Variants in CD109 observed in about 807,000 individuals in gnomAD.
The protein encoded by CD109 is CD109 molecule, also known as CD109 antigen.
In CD109, 149 loss-of-function variants were observed where a neutral mutation model predicts 165.8. The observed-to-expected ratio is 0.90, with a 90% CI of 0.79 to 1.03. CD109 has a LOEUF of 1.03. Among genes scored for constraint, CD109 ranks in the 50% least tolerant of loss-of-function variants. The probability of loss-of-function intolerance (pLI) is 0.00; values close to 1 mark genes in which losing one functional copy is unlikely to be tolerated. For synonymous variants in CD109, 585 were observed against 592.1 expected, an observed-to-expected ratio of 0.99 and a Z score of 0.18; for missense variants, 1,712 against 1,677.8, an observed-to-expected ratio of 1.02 and a Z score of -0.36.
Position 73,763,620 on chromosome 6 carries a change from GA to G in CD109, c.1043del (p.Asp348ValfsTer13), listed in dbSNP as rs1773723377. 5 of 1,596,410 alleles carry G rather than the reference GA, an allele frequency of 3.1e-6. 1 individual carries two copies. The South Asian group carries it at 5.8e-5, about 18-fold the overall frequency. ...VSTNVFFKQH[D>X]YIIEFFDYTT... ...CACTAATGTGTTCTTCAAGCAACATGATTACATCATTGAGTTTTTTGATTAT... is the reference window on the plus strand; with the variant it reads ...CACTAATGTGTTCTTCAAGCAACATGTTACATCATTGAGTTTTTTGATTAT... On this transcript the variant is annotated frameshift_variant, in exon 10 of 33. Coordinates refer to ENST00000287097, the MANE Select transcript of CD109 (RefSeq NM_133493.5). LOFTEE classifies it high-confidence loss of function.
intron 19 of CD109, 35 bp downstream of exon 19, chr6:73,783,859 G>A (rs1562066079): frequency 1.7e-6 from 2 of 1,206,816 alleles, no homozygotes; most frequent in South Asian, 2.6e-5. Flanking sequence ...CAGTATTACG[G>A]TGACATTAAG....
chr6:73,801,660 G>GT (rs1775364402), intron 23 of CD109, among the ~76,000 whole-genome samples: 1 of 152,174 alleles, frequency 6.6e-6, no homozygotes, highest in Admixed American at 6.5e-5. Flanking sequence ...CACATTAACT[G>GT]TAATTTCAAA....
At chr6:73,770,483 G>A (rs571590672) in intron 14 of CD109, among the ~76,000 whole-genome samples, 12 of 152,302 alleles carry the variant, frequency 7.9e-5, no homozygotes, top group African/African-American at 2.6e-4. Flanking sequence ...TGTGGCTCAC[G>A]CCTGTAATCC....
chr6:73,782,752 T>A lies in CD109; in HGVS notation c.2102T>A (p.Met701Lys). 1 of 1,613,536 alleles carries A rather than the reference T, an allele frequency of 6.2e-7. No homozygotes were observed. The highest frequency in any genetic ancestry group is 8.5e-7 in the Non-Finnish European group (1 of 1,179,742). ...ACTTGGATTTGGCTAGACACCAACA[T>A]GGGGTAAAAATTTATAAAGTTCTTT... ...PETWIWLDTN[M>K]GYRIYQEFEV... The change falls in exon 18 of 33, where the codon ATG becomes AAG. Residue 701 changes from methionine to lysine, a missense_variant. By Grantham distance (95) the Met-to-Lys change is moderately conservative (BLOSUM62 -1). Coordinates refer to ENST00000287097, the MANE Select transcript of CD109 (RefSeq NM_133493.5).
chr6:73,765,010 A>AG (rs1450429303), intron 10 of CD109, among the ~76,000 whole-genome samples: 1 of 152,048 alleles, frequency 6.6e-6, no homozygotes, highest in African/African-American at 2.4e-5. Flanking sequence ...GGGCGTTCAG[A>AG]GGGGGAGAGT....
chr6:73,781,835 A>ACACACACACTCACACACACACAC (rs150665697), intron 17 of CD109, among the ~76,000 whole-genome samples: 1 of 144,328 alleles, frequency 6.9e-6, no homozygotes, highest in African/African-American at 2.6e-5. Context: ...ACACACACAC[A>ACACACACACTCACACACACACAC]CCCCTCATCA....
chr6:73,783,753 A>C lies in CD109; in HGVS notation c.2152A>C (p.Thr718Pro). Residue 718 changes from threonine to proline, a missense_variant, in exon 19 of 33, where the codon ACT becomes CCT. Transcript: ENST00000287097. The part of the protein sequence containing the change: ...EFEVTVPDSI[T>P]SWVATGFVIS... ...TGAAGTAACTGTACCTGATTCTATC[A>C]CTTCTTGGGTGGCTACTGGTTTTGT... 1 of 1,613,240 alleles carries C rather than the reference A, an allele frequency of 6.2e-7. No individual in the cohort carries two copies. The highest frequency in any genetic ancestry group is 8.5e-7 in the Non-Finnish European group (1 of 1,179,406).
Position 73,792,677 on chromosome 6 carries a change from C to T in CD109, c.2753C>T (p.Pro918Leu), listed in dbSNP as rs1775014091. ...GGCTTAGCCTCATTGATTCGGATGC[C>T]TTATGGCTGTGGTGAACAGAACATG... ...INGLASLIRM[P>L]YGCGEQNMIN... The change falls in exon 23 of 33, where the codon CCT becomes CTT. Residue 918 changes from proline (P) to leucine (L), a missense_variant. Transcript: ENST00000287097. 1 of 1,613,336 alleles carries T rather than the reference C, an allele frequency of 6.2e-7. No individual in the cohort carries two copies. The highest frequency in any genetic ancestry group is 8.5e-7 in the Non-Finnish European group (1 of 1,179,940).
intron 3 of CD109, among the ~76,000 whole-genome samples, chr6:73,728,046 C>T (rs529082391): frequency 6.6e-6 from 1 of 152,206 alleles, no homozygotes; most frequent in East Asian, 1.9e-4. Context: ...TTAGGCTGGG[C>T]GCAGTGGCTC....
chr6:73,705,755 C>G (rs1771244978), intron 2 of CD109, among the ~76,000 whole-genome samples: 1 of 152,146 alleles, frequency 6.6e-6, no homozygotes, highest in African/African-American at 2.4e-5. Context: ...AGTTAATAAT[C>G]AATTCTCTCA....
Position 73,715,672 on chromosome 6 carries a change from G to A in CD109, c.248-7579G>A, listed in dbSNP as rs562505851. On this transcript the variant is annotated intron_variant, in intron 2 of 32. Coordinates refer to ENST00000287097, the MANE Select transcript of CD109 (RefSeq NM_133493.5). ...CATAGAAGATGTATATATTTACAGG[G>A]TACATGAGATACTTTGAAACAGGCA... is the stretch of plus-strand genomic sequence containing the variant. Among the ~76,000 whole-genome samples, 5 of 151,988 alleles carry A rather than the reference G, an allele frequency of 3.3e-5. No homozygotes were observed. The East Asian group carries it at 9.7e-4, about 29-fold the overall frequency.
chr6:73,815,543 G>A (rs2150306744), intron 30 of CD109, among the ~76,000 whole-genome samples: 1 of 152,200 alleles, frequency 6.6e-6, no homozygotes, highest in South Asian at 2.1e-4. Context: ...ATGATAACAT[G>A]CAAATTCAAT....
chr6:73,687,070 A>C, the CD109 span, among the ~76,000 whole-genome samples: 1 of 152,228 alleles, frequency 6.6e-6, no homozygotes, highest in Non-Finnish European at 1.5e-5. Context: ...TTCCATCATC[A>C]CAGAAAGTTC....
chr6:73,748,416 C>T (rs1773062524), intron 5 of CD109, among the ~76,000 whole-genome samples: 1 of 152,210 alleles, frequency 6.6e-6, no homozygotes, highest in Non-Finnish European at 1.5e-5. Context: ...CTCTGTTTTT[C>T]CCATCTCATC....
At chr6:73,800,992 T>TTTTTA (rs1775342366) in intron 23 of CD109, among the ~76,000 whole-genome samples, 1 of 152,234 alleles carries the variant, frequency 6.6e-6, no homozygotes, top group Non-Finnish European at 1.5e-5. Context: ...TGCATCAATT[T>TTTTTA]TTTTATTTTA....
intron 2 of CD109, among the ~76,000 whole-genome samples, chr6:73,722,761 A>G (rs1772006291): frequency 6.6e-6 from 1 of 152,192 alleles, no homozygotes; most frequent in Admixed American, 6.5e-5. Flanking sequence ...TCCTATGTAT[A>G]GAAACTTTAC....
Position 73,826,501 on chromosome 6 carries a change from G to A in CD109, c.*2868G>A, listed in dbSNP as rs2150318116. ...AAACCTAGTAGCCAAACAATTCTAG[G>A]ACAGAATAACATTTTTATATTTGGT... On this transcript the variant is annotated 3_prime_UTR_variant, in exon 33 of 33. Coordinates refer to ENST00000287097, the MANE Select transcript of CD109 (RefSeq NM_133493.5). 6.6e-6 allele frequency: 1 copy of A among 152,214 alleles called. No individual in the cohort carries two copies. Among genetic ancestry groups the A allele is most frequent in the Non-Finnish European group, 1.5e-5 (1 of 68,030 alleles). 9.4% of individuals were successfully genotyped at this position (152,214 alleles called of 1,614,324 possible). A position where few individuals can be genotyped will look rare whatever the true frequency, so the allele number is the denominator to read the frequency against.
At chr6:73,782,468 C>T in intron 17 of CD109, 146 bp from the exon 18 acceptor site, 1 of 676,238 alleles carries the variant, frequency 1.5e-6, no homozygotes, top group Non-Finnish European at 2.4e-6. Flanking sequence ...TCTACCTTTT[C>T]ACTGTAACAG....
intron 29 of CD109, among the ~76,000 whole-genome samples, chr6:73,812,744 C>T (rs970458809): frequency 4.6e-5 from 7 of 151,994 alleles, no homozygotes; most frequent in African/African-American, 9.7e-5. Context: ...AAGAAATCTA[C>T]ATTTTTATAG....
Sources: allele counts gnomAD v4.1 joint callset (sites outside exome capture counted in the v4.1 genomes callset), GRCh38; gene constraint gnomAD v4.1.1; transcripts MANE v1.5; gene names NCBI Gene and HGNC (gene_info 2026-07-23, HGNC 2026-07-21).